Variants in TMCC1 observed in about 807,000 individuals in gnomAD.
TMCC1 encodes transmembrane and coiled-coil domains protein 1.
In TMCC1, 15 loss-of-function variants were observed where a neutral mutation model predicts 52.4. The observed-to-expected ratio is 0.29, with a 90% CI of 0.19 to 0.44. The LOEUF (loss-of-function observed/expected upper bound fraction) is 0.44, where lower values mean the gene tolerates loss of function less well. Among genes scored for constraint, TMCC1 ranks in the 20% least tolerant of loss-of-function variants. The pLI, the probability that TMCC1 is intolerant of heterozygous loss-of-function variation, is 1.00. For synonymous variants in TMCC1, 279 were observed against 301.9 expected (o/e 0.92, Z 0.79); for missense variants, 503 against 806.0 (o/e 0.62, Z 4.55).
intron 4 of TMCC1, among the ~76,000 whole-genome samples, chr3:129,752,247 C>A (rs1201229492): frequency 1.3e-5 from 2 of 152,124 alleles, no homozygotes; most frequent in African/African-American, 4.8e-5. Context: ...TATCTCTTCC[C>A]TTTATGGATC....
intron 1 of TMCC1, among the ~76,000 whole-genome samples, chr3:129,884,258 C>T (rs374842139): frequency 1.3e-5 from 2 of 152,044 alleles, no homozygotes; most frequent in Admixed American, 6.6e-5. Flanking sequence ...AAAATATACA[C>T]GCATACTGGA....
intron 2 of TMCC1, chr3:129,867,091 C>T (rs920230140): frequency 6.6e-6 from 1 of 151,780 alleles, no homozygotes; most frequent in Non-Finnish European, 1.5e-5. Flanking sequence ...TTGTCCAATT[C>T]ATCCTACCTA....
intron 4 of TMCC1, among the ~76,000 whole-genome samples, chr3:129,673,052 CAA>C (rs1348298044): frequency 6.6e-6 from 1 of 152,018 alleles, no homozygotes; most frequent in African/African-American, 2.4e-5. Context: ...TAAATAAAAT[CAA>C]AAGAGAATTT....
chr3:129,759,184 C>T (rs185886966), intron 4 of TMCC1, among the ~76,000 whole-genome samples: 158 of 152,108 alleles, frequency 1.0e-3, no homozygotes, highest in African/African-American at 3.4e-3. Context: ...GCAAGCCCTA[C>T]TATTCTTCCA....
intron 4 of TMCC1, among the ~76,000 whole-genome samples, chr3:129,699,903 G>T (rs1310226905): frequency 6.6e-6 from 1 of 152,098 alleles, no homozygotes; most frequent in Non-Finnish European, 1.5e-5. Context: ...GAGACAGAGT[G>T]AAATCCTGTC....
chr3:129,652,270 C>T (rs895107456), intron 6 of TMCC1, among the ~76,000 whole-genome samples: 5 of 152,212 alleles, frequency 3.3e-5, no homozygotes, highest in East Asian at 1.9e-4. Context: ...GGAAAATATA[C>T]GGAATTATTA....
chr3:129,679,472 AT>A lies in TMCC1; in HGVS notation c.577-8209del, dbSNP rs1057446506. Among the ~76,000 whole-genome samples the A allele has an allele frequency of 5.3e-4, 81 of 151,884 alleles. 1 individual carries two copies. Among genetic ancestry groups the A allele is most frequent in the African/African-American group, 1.9e-3 (80 of 41,392 alleles). On this transcript the variant is annotated intron_variant, in intron 4 of 6. Transcript: ENST00000393238. Reference sequence around the variant, plus strand: ...AGGTGCGCACCACCACGCCTGGCTAATTTTTCTATTTTTAGTAGAGATGGGG... The same window carrying A: ...AGGTGCGCACCACCACGCCTGGCTAATTTTCTATTTTTAGTAGAGATGGGG...
chr3:129,651,511 A>G lies in TMCC1; in HGVS notation c.1932T>C (p.Tyr644=). 4 of 1,614,206 alleles carry G rather than the reference A, an allele frequency of 2.5e-6. No individual in the cohort carries two copies. Among genetic ancestry groups the G allele is most frequent in the Non-Finnish European group, 3.4e-6 (4 of 1,180,034 alleles). Residue 644 remains tyrosine, a synonymous_variant, in exon 7 of 7, where the codon TAT becomes TAC. Coordinates refer to ENST00000393238, the MANE Select transcript of TMCC1 (RefSeq NM_001017395.5). This position sits in a 1 kb window ranked among gnomAD's most constrained non-coding sequence, Gnocchi z 5.1. ...LWKHWDALFS[Y]VERFFSSPR ...TAGGGGATGAAAAGAACCGTTCCACATAGCTGAAGAGGGCGTCCCAGTGCT... is the reference window on the plus strand; with the variant it reads ...TAGGGGATGAAAAGAACCGTTCCACGTAGCTGAAGAGGGCGTCCCAGTGCT...
intron 4 of TMCC1, among the ~76,000 whole-genome samples, chr3:129,705,214 AAGG>A (rs962478450): frequency 6.6e-6 from 1 of 152,178 alleles, no homozygotes; most frequent in African/African-American, 2.4e-5. Context: ...GAGGAACGAA[AAGG>A]AGGAGAGGAA....
At chr3:129,889,275 AAAAC>A (rs1212443805) in intron 1 of TMCC1, among the ~76,000 whole-genome samples, 2 of 152,206 alleles carry the variant, frequency 1.3e-5, no homozygotes, top group Non-Finnish European at 2.9e-5. Context: ...CTGTCTCAAA[AAAAC>A]AAACAAACAA....
chr3:129,873,881 G>A (rs1474728676), intron 2 of TMCC1, among the ~76,000 whole-genome samples: 4 of 152,104 alleles, frequency 2.6e-5, no homozygotes, highest in African/African-American at 9.7e-5. Flanking sequence ...TGAGTGTTAT[G>A]TTGGTACCCA....
intron 4 of TMCC1, among the ~76,000 whole-genome samples, chr3:129,739,303 G>A (rs1416802064): frequency 2.0e-5 from 3 of 152,044 alleles, no homozygotes; most frequent in Non-Finnish European, 4.4e-5. Context: ...GACTAGCTGG[G>A]ATTACAGGCA....
chr3:129,852,456 CAA>C (rs1015860543), intron 2 of TMCC1, among the ~76,000 whole-genome samples: 114 of 39,812 alleles, frequency 2.9e-3, no homozygotes, highest in African/African-American at 8.5e-3. Flanking sequence ...GACACCGTCT[CAA>C]AAAAAAAAAA....
rs2058713907 is a variant in TMCC1 at position 129,827,644 on chromosome 3, C to T, written c.576+159G>A. 5 of 748,770 alleles carry T rather than the reference C, an allele frequency of 6.7e-6. No homozygotes were observed. The Admixed American group carries it at 1.3e-4, about 19-fold the overall frequency. The allele number at this position is 748,770 out of a possible 1,614,324, so 46.4% of individuals were successfully genotyped here. On this transcript the variant is annotated intron_variant, in intron 4 of 6. Transcript: ENST00000393238. Reference sequence around the variant, plus strand: ...ATAATTCTAAGCATTCATTCATTAGCTATAATTATTATTTACCCATTTGAA... The same window carrying T: ...ATAATTCTAAGCATTCATTCATTAGTTATAATTATTATTTACCCATTTGAA...
chr3:129,785,441 C>G (rs1166506798), intron 4 of TMCC1, among the ~76,000 whole-genome samples: 1 of 152,104 alleles, frequency 6.6e-6, no homozygotes, highest in African/African-American at 2.4e-5. Context: ...AAGGCTCAAA[C>G]TCAAGTAATC....
intron 4 of TMCC1, among the ~76,000 whole-genome samples, chr3:129,727,683 C>T (rs964512420): frequency 4.6e-5 from 7 of 152,058 alleles, no homozygotes; most frequent in Non-Finnish European, 8.8e-5. Context: ...GCTGTTACAA[C>T]AAAAATAAAA....
intron 4 of TMCC1, among the ~76,000 whole-genome samples, chr3:129,798,369 A>T (rs1052645862): frequency 3.9e-5 from 6 of 152,182 alleles, no homozygotes; most frequent in Middle Eastern, 6.8e-3. Context: ...CAGTATTCTG[A>T]AATTATCTCC....
At chr3:129,782,172 C>T (rs968423370) in intron 4 of TMCC1, among the ~76,000 whole-genome samples, 3 of 152,032 alleles carry the variant, frequency 2.0e-5, no homozygotes, top group Non-Finnish European at 2.9e-5. Context: ...GGAATGATCA[C>T]GGCTGGAAAT....
chr3:129,884,358 T>C (rs191362021), intron 1 of TMCC1, among the ~76,000 whole-genome samples: 6 of 152,336 alleles, frequency 3.9e-5, no homozygotes, highest in Admixed American at 2.6e-4. Context: ...CTGGGCATGG[T>C]GGCTCACACC....
Sources: allele counts gnomAD v4.1 joint callset (sites outside exome capture counted in the v4.1 genomes callset), GRCh38; gene constraint gnomAD v4.1.1; non-coding constraint Gnocchi (gnomAD v3.1); transcripts MANE v1.5; gene names NCBI Gene and HGNC (gene_info 2026-07-23, HGNC 2026-07-21).